Variants in MSN observed in about 807,000 individuals in gnomAD.
The protein encoded by MSN is epididymis luminal protein 70.
A neutral mutation model predicts 48.0 loss-of-function variants in MSN; 2 were observed. The observed-to-expected ratio is 0.04, with a 90% CI of 0.02 to 0.13. MSN has a LOEUF of 0.13. Among genes scored for constraint, MSN ranks in the 10% least tolerant of loss-of-function variants. The probability of loss-of-function intolerance (pLI) is 1.00; values close to 1 mark genes in which losing one functional copy is unlikely to be tolerated. For missense variants in MSN, 267 were observed against 470.1 expected (o/e 0.57, Z 3.99); for synonymous variants, 146 against 166.9 (o/e 0.87, Z 0.97).
At chrX:65,655,671 CAGA>C (rs1263693198) in intron 1 of MSN, among the ~76,000 whole-genome samples, 2 of 113,066 alleles carry the variant, frequency 1.8e-5, no homozygotes, top group Admixed American at 9.3e-5. Context: ...AAGTCTGATT[CAGA>C]AGAAGACATA....
chrX:65,694,803 C>G (rs1056894257), intron 1 of MSN, among the ~76,000 whole-genome samples: 14 of 111,696 alleles, frequency 1.3e-4, no homozygotes, highest in African/African-American at 4.2e-4. Flanking sequence ...GGAACTCCAG[C>G]TCTGGGAAGC....
intron 1 of MSN, chrX:65,588,743 C>T (rs2070118409): frequency 8.8e-6 from 4 of 453,427 alleles, no homozygotes; most frequent in East Asian, 9.4e-5. Flanking sequence ...GGGTAGGGGA[C>T]ACTGAAATGT....
chrX:65,696,885 T>C (rs1368817862), intron 1 of MSN, among the ~76,000 whole-genome samples: 1 of 110,892 alleles, frequency 9.0e-6, no homozygotes, highest in Non-Finnish European at 1.9e-5. Context: ...TCTCTTATCT[T>C]ATCCTTGCCA....
chrX:65,612,556 T>C (rs1200779984), intron 1 of MSN, among the ~76,000 whole-genome samples: 1 of 648 alleles, frequency 1.5e-3, no homozygotes, highest in Admixed American at 0.016. Context: ...TCGTAATGGT[T>C]TTTTTTTTTT....
intron 1 of MSN, among the ~76,000 whole-genome samples, chrX:65,699,748 CAAAAAAAAAAA>C (rs34875923): frequency 1.2e-4 from 5 of 43,038 alleles, no homozygotes; most frequent in Non-Finnish European, 1.8e-4. Flanking sequence ...GAATCTGTTT[CAAAAAAAAAAA>C]AAAAAAAAAA....
chrX:65,738,428 A>G (rs1290879123), intron 10 of MSN, 97 bp from the exon 11 acceptor site: 6 of 649,026 alleles, frequency 9.2e-6, no homozygotes, highest in South Asian at 2.8e-5. Context: ...GTGGAGCAGT[A>G]GGTCCCTTAC....
intron 1 of MSN, among the ~76,000 whole-genome samples, chrX:65,697,196 C>T (rs1357298961): frequency 9.4e-6 from 1 of 106,815 alleles, no homozygotes; most frequent in African/African-American, 3.4e-5. Flanking sequence ...AGGGGAACAG[C>T]AGGCTGGGTG....
intron 1 of MSN, among the ~76,000 whole-genome samples, chrX:65,651,561 TTTATTATTATTATTATTA>T (rs35256397): frequency 3.2e-5 from 3 of 94,531 alleles, no homozygotes; most frequent in African/African-American, 8.2e-5. Flanking sequence ...AGAAGTAATA[TTTATTATTATTATTATTA>T]TTATTATTAT....
chrX:65,695,588 C>T (rs1245132862), intron 1 of MSN, among the ~76,000 whole-genome samples: 2 of 108,386 alleles, frequency 1.8e-5, no homozygotes, highest in East Asian at 2.9e-4. Context: ...AGAGTGATTC[C>T]TCTGAGGTCT....
chrX:65,599,492 G>T lies in MSN; in HGVS notation c.-22+10880G>T, dbSNP rs760204482. On this transcript the variant is annotated intron_variant, in intron 1 of 3. Transcript: ENST00000609672. ...TACTAAAAATACAAAAATTAGCTGG[G>T]CGTAGTGGCATGTGCCTGTAGTCCC... 8.1e-5 allele frequency among the ~76,000 whole-genome samples: 9 copies of T among 111,346 alleles called. No individual in the cohort carries two copies. The South Asian group carries it at 1.5e-3, about 19-fold the overall frequency.
rs997624692 is a variant in MSN, at chrX:65,738,696, G to A, written c.1344+79G>A. 7 of 966,282 alleles carry A rather than the reference G, an allele frequency of 7.2e-6. No individual in the cohort carries two copies. The African/African-American group carries it at 1.2e-4, about 16-fold the overall frequency. The allele number at this position is 966,282 out of a possible 1,213,427, so 79.6% of individuals were successfully genotyped here. On this transcript the variant is annotated intron_variant, in intron 11 of 12. Transcript: ENST00000360270. The stretch of plus-strand genomic sequence containing the variant: ...GGTAACAGCTCCTTAGATTCCTTAT[G>A]TTTTGGCTCCCTCCCTCTTTCATAC...
intron 1 of MSN, among the ~76,000 whole-genome samples, chrX:65,672,403 T>A (rs769105991): frequency 1.6e-3 from 182 of 112,373 alleles, no homozygotes; most frequent in Non-Finnish European, 2.5e-3. Context: ...ACAGATGTGG[T>A]CTCCTTTGGG....
At chrX:65,622,168 C>T (rs5918957) in intron 1 of MSN, among the ~76,000 whole-genome samples, 10,061 of 104,443 alleles carry the variant, frequency 0.096, 594 homozygotes, top group Non-Finnish European at 0.15. Flanking sequence ...CATCTCGACT[C>T]ACTGCAACCT....
intron 1 of MSN, among the ~76,000 whole-genome samples, chrX:65,656,265 C>CTGTGTG (rs3087113): frequency 8.0e-4 from 74 of 92,841 alleles, no homozygotes; most frequent in African/African-American, 1.0e-3. Flanking sequence ...AGATCTATGC[C>CTGTGTG]TGTGTGTGTG....
At chrX:65,602,091 G>A (rs780184897) in intron 1 of MSN, among the ~76,000 whole-genome samples, 21 of 112,363 alleles carry the variant, frequency 1.9e-4, no homozygotes, top group Non-Finnish European at 3.0e-4. Context: ...AAACTTGGAA[G>A]CCATCTTGTA....
intron 1 of MSN, among the ~76,000 whole-genome samples, chrX:65,611,891 A>G (rs1402721014): frequency 8.9e-6 from 1 of 112,182 alleles, no homozygotes; most frequent in Non-Finnish European, 1.9e-5. Context: ...TTTTTGGGTT[A>G]TAGCCATCCT....
intron 1 of MSN, among the ~76,000 whole-genome samples, chrX:65,642,962 C>T (rs193251804): frequency 7.7e-4 from 85 of 110,719 alleles, no homozygotes; most frequent in African/African-American, 2.6e-3. Flanking sequence ...GAGAGATCTC[C>T]CCTCCCTAGC....
At chrX:65,692,421 G>A (rs1447253692) in intron 1 of MSN, among the ~76,000 whole-genome samples, 1 of 112,488 alleles carries the variant, frequency 8.9e-6, no homozygotes, top group African/African-American at 3.2e-5. Flanking sequence ...AGGCTGCTAT[G>A]TATGATCAAT....
chrX:65,599,005 G>A (rs1457574216), intron 1 of MSN, among the ~76,000 whole-genome samples: 1 of 111,840 alleles, frequency 8.9e-6, no homozygotes, highest in African/African-American at 3.3e-5. Flanking sequence ...TTTTAGTTGC[G>A]GCTGGGCATG....
Sources: allele counts gnomAD v4.1 joint callset (sites outside exome capture counted in the v4.1 genomes callset), GRCh38; gene constraint gnomAD v4.1.1; transcripts MANE v1.5; gene names NCBI Gene and HGNC (gene_info 2026-07-23, HGNC 2026-07-21).